USP15: variants seen among roughly 807,000 people sequenced by gnomAD.
The protein encoded by USP15 is ubiquitin carboxyl-terminal hydrolase 15.
Under a neutral mutation model 127.1 loss-of-function variants are expected in USP15, and 18 were observed. The observed-to-expected ratio is 0.14, with a 90% CI of 0.10 to 0.21. The LOEUF is 0.21. Among genes scored for constraint, USP15 ranks in the 10% least tolerant of loss-of-function variants. USP15 has a pLI of 1.00. For synonymous variants in USP15, 364 were observed against 393.7 expected (o/e 0.92, Z 0.89); for missense variants, 805 against 1,159.9 (o/e 0.69, Z 4.44).
At chr12:62,261,189 G>A (rs988430151) in intron 1 of USP15, among the ~76,000 whole-genome samples, 1 of 152,112 alleles carries the variant, frequency 6.6e-6, no homozygotes, top group Non-Finnish European at 1.5e-5. Context: ...CTTCCCTTCT[G>A]TTTGAAAGAT....
At chr12:62,329,035 C>A (rs77544801) in intron 6 of USP15, among the ~76,000 whole-genome samples, 3,351 of 152,156 alleles carry the variant, frequency 0.022, 124 homozygotes, top group African/African-American at 0.075. Context: ...GATTAAAGAC[C>A]TAAATAAGAA....
At chr12:62,292,393 G>A (rs1592514214) in intron 1 of USP15, among the ~76,000 whole-genome samples, 1 of 152,224 alleles carries the variant, frequency 6.6e-6, no homozygotes, top group African/African-American at 2.4e-5. Context: ...CCCATGGCAG[G>A]ACCCCTGAAA....
At chr12:62,269,221 A>G (rs1386637490) in intron 1 of USP15, among the ~76,000 whole-genome samples, 1 of 152,126 alleles carries the variant, frequency 6.6e-6, no homozygotes, top group Non-Finnish European at 1.5e-5. Flanking sequence ...GGGATTGCCT[A>G]CTACATACCT....
chr12:62,337,106 A>G lies in USP15; in HGVS notation c.683+11173A>G, dbSNP rs186884349. On this transcript the variant is annotated intron_variant, in intron 6 of 21. Transcript: ENST00000280377. ...ATCACCTATCTTATGAGAAACGCCT[A>G]AGTATTGGGAAGCTGTCAACTTTGT... Among the ~76,000 whole-genome samples, 974 of 152,292 alleles carry G rather than the reference A, an allele frequency of 6.4e-3. 7 individuals carry two copies. Among genetic ancestry groups the G allele is most frequent in the Non-Finnish European group, 9.6e-3 (650 of 68,026 alleles).
chr12:62,328,093 A>G (rs2065184433), intron 6 of USP15, among the ~76,000 whole-genome samples: 1 of 152,196 alleles, frequency 6.6e-6, no homozygotes, highest in Non-Finnish European at 1.5e-5. Context: ...TTTGAGCACA[A>G]TTTAAGTAAG....
intron 8 of USP15, among the ~76,000 whole-genome samples, chr12:62,371,518 A>G (rs1032641169): frequency 2.6e-5 from 4 of 152,224 alleles, no homozygotes; most frequent in African/African-American, 9.6e-5. Context: ...AAAAGTCTCT[A>G]TAGCAATTTG....
In USP15 at chr12:62,349,238, AT is replaced by A; in HGVS notation, c.706del (p.Ser236GlnfsTer18). ...PSTPKSPGAS[N>X]FSTLPKISPS... is the part of the protein sequence containing the mutation. ...TTTTAAAGGTCCCCAGGTGCATCCAATTTTTCAACTTTACCAAAGATCTCTC... is the reference window on the plus strand; with the variant it reads ...TTTTAAAGGTCCCCAGGTGCATCCAATTTTCAACTTTACCAAAGATCTCTC... On this transcript the variant is annotated frameshift_variant, in exon 7 of 22. Transcript: ENST00000280377. LOFTEE classifies it high-confidence loss of function. The A allele has an allele frequency of 6.7e-7, 1 of 1,503,608 alleles. No individual in the cohort carries two copies. The highest frequency in any genetic ancestry group is 1.3e-5 in the South Asian group (1 of 77,456). The allele number at this position is 1,503,608 out of a possible 1,614,324, so 93.1% of individuals were successfully genotyped here.
chr12:62,396,173 G>C, intron 19 of USP15, 122 bp from the exon 20 acceptor site: 1 of 471,502 alleles, frequency 2.1e-6, no homozygotes, highest in Non-Finnish European at 3.6e-6. Context: ...TATATAGATA[G>C]ATATATATAG....
At chr12:62,369,975 CT>C (rs1393547147) in intron 8 of USP15, among the ~76,000 whole-genome samples, 1 of 152,084 alleles carries the variant, frequency 6.6e-6, no homozygotes, top group Admixed American at 6.5e-5. Flanking sequence ...TTTTATTCTT[CT>C]TTTTTGTTTG....
chr12:62,313,466 C>T (rs2064742590), intron 3 of USP15, among the ~76,000 whole-genome samples: 1 of 151,428 alleles, frequency 6.6e-6, no homozygotes, highest in South Asian at 2.1e-4. Flanking sequence ...TTAGTTACTA[C>T]CAGTGATTAG....
At chr12:62,271,955 G>T (rs1001082916) in intron 1 of USP15, among the ~76,000 whole-genome samples, 1 of 151,762 alleles carries the variant, frequency 6.6e-6, no homozygotes, top group East Asian at 1.9e-4. Flanking sequence ...TAAAGAGATG[G>T]TAAACTATTC....
In USP15 at chr12:62,404,473, G is replaced by A. The variant is rs551681312; in HGVS notation, c.*98G>A. ...CACATTAAAACAAAAGTCTGAGATG[G>A]GGAGTTTCAGATAACCGAATGTAAA... On this transcript the variant is annotated 3_prime_UTR_variant, in exon 22 of 22. Transcript: ENST00000280377. 2.9e-6 allele frequency: 4 copies of A among 1,397,042 alleles called. No homozygotes were observed. The South Asian group carries it at 6.8e-5, about 24-fold the overall frequency. 86.5% of individuals were successfully genotyped at this position (1,397,042 alleles called of 1,614,324 possible).
At chr12:62,271,453 C>G (rs1401633907) in intron 1 of USP15, among the ~76,000 whole-genome samples, 1 of 151,858 alleles carries the variant, frequency 6.6e-6, no homozygotes, top group South Asian at 2.1e-4. Context: ...CGTTATTATT[C>G]GAAGTTTAAT....
intron 20 of USP15, among the ~76,000 whole-genome samples, chr12:62,397,560 T>G (rs943732212): frequency 1.3e-5 from 2 of 152,128 alleles, no homozygotes; most frequent in African/African-American, 4.8e-5. Flanking sequence ...CTCTTTTTTT[T>G]TTAAATCAAC....
intron 1 of USP15, among the ~76,000 whole-genome samples, chr12:62,272,667 A>G (rs2063370841): frequency 1.3e-5 from 2 of 152,030 alleles, no homozygotes; most frequent in Admixed American, 1.3e-4. Context: ...AACCTTTTAC[A>G]TTCATATAGT....
In USP15 at chr12:62,325,803, G is replaced by A. The variant is rs997998412; in HGVS notation, c.622-69G>A. On this transcript the variant is annotated intron_variant, in intron 5 of 21. Coordinates refer to ENST00000280377, the MANE Select transcript of USP15 (RefSeq NM_001252078.2). ...TTACTTTAGTTTCTTAGTTTATCCA[G>A]CTATCTTCTAAAGTTATTTTAACTT... is the stretch of plus-strand genomic sequence containing the variant. The A allele has an allele frequency of 9.0e-5, 117 of 1,305,260 alleles. 1 individual carries two copies. In the Admixed American group the frequency reaches 2.3e-3, roughly 26 times the overall value. The allele number at this position is 1,305,260 out of a possible 1,614,324, so 80.9% of individuals were successfully genotyped here.
intron 6 of USP15, among the ~76,000 whole-genome samples, chr12:62,348,767 A>G (rs577324327): frequency 6.6e-6 from 1 of 152,126 alleles, no homozygotes; most frequent in East Asian, 1.9e-4. Context: ...TATTTTATCT[A>G]TTTTGTCCCC....
chr12:62,315,537 G>C (rs1244591828), intron 4 of USP15, among the ~76,000 whole-genome samples: 1 of 151,922 alleles, frequency 6.6e-6, no homozygotes, highest in Non-Finnish European at 1.5e-5. Flanking sequence ...AAAATTACAT[G>C]GTTTTTGTTT....
At chr12:62,359,204 T>G (rs935782360) in intron 8 of USP15, among the ~76,000 whole-genome samples, 1 of 145,790 alleles carries the variant, frequency 6.9e-6, no homozygotes, top group Non-Finnish European at 1.5e-5. Context: ...ATCCCAGGAC[T>G]CTGAGGAACA....
Sources: gnomAD v4.1 joint callset for allele counts (sites outside exome capture counted in the v4.1 genomes callset) on GRCh38, gnomAD v4.1.1 for gene constraint, MANE v1.5 for transcripts, NCBI Gene and HGNC (gene_info 2026-07-23, HGNC 2026-07-21) for gene names.